The following ARMH3 variants were observed in gnomAD, a reference collection of about 807,000 sequenced individuals.
The protein encoded by ARMH3 is armadillo like helical domain containing 3, also known as armadillo-like helical domain-containing protein 3.
Under a neutral mutation model 99.1 loss-of-function variants are expected in ARMH3, and 60 were observed. The observed-to-expected ratio is 0.61, with a 90% CI of 0.49 to 0.75. The LOEUF (loss-of-function observed/expected upper bound fraction) is 0.75. ARMH3 is among the 30% of genes least tolerant of loss of function. The probability of loss-of-function intolerance (pLI) is 0.00; values close to 1 mark genes in which losing one functional copy is unlikely to be tolerated. For missense variants in ARMH3, 679 were observed against 843.1 expected (o/e 0.81, Z 2.41); for synonymous variants, 285 against 292.8 (o/e 0.97, Z 0.27).
intron 22 of ARMH3, among the ~76,000 whole-genome samples, chr10:101,944,080 TC>T (rs1405799091): frequency 6.9e-6 from 1 of 144,990 alleles, no homozygotes; most frequent in East Asian, 2.0e-4. Context: ...AAAAAAAAAA[TC>T]TATTAGAAAT....
At chr10:101,957,433 G>T (rs1845090666) in intron 21 of ARMH3, among the ~76,000 whole-genome samples, 1 of 152,150 alleles carries the variant, frequency 6.6e-6, no homozygotes, top group Non-Finnish European at 1.5e-5. Flanking sequence ...ACCCCTGCCA[G>T]ACAATATATT....
intron 18 of ARMH3, 39 bp downstream of exon 18, chr10:101,991,930 T>C (rs377571713): frequency 7.7e-6 from 12 of 1,549,442 alleles, no homozygotes; most frequent in Middle Eastern, 1.7e-4. Context: ...AGCCTATCGC[T>C]GTCACAGAAC....
chr10:101,977,081 T>C (rs1564812762), intron 19 of ARMH3, among the ~76,000 whole-genome samples: 1 of 152,200 alleles, frequency 6.6e-6, no homozygotes, highest in East Asian at 1.9e-4. Context: ...TAACCACCTT[T>C]CAAGTGCTCA....
intron 24 of ARMH3, among the ~76,000 whole-genome samples, chr10:101,882,243 G>T (rs1265428723): frequency 6.6e-6 from 1 of 152,180 alleles, no homozygotes; most frequent in Non-Finnish European, 1.5e-5. Context: ...TAAGGAATAA[G>T]GTGTTCAAAG....
chr10:101,863,230 T>C (rs1362988266), intron 24 of ARMH3, among the ~76,000 whole-genome samples: 1 of 151,934 alleles, frequency 6.6e-6, no homozygotes, highest in Non-Finnish European at 1.5e-5. Context: ...AGTAAAATGA[T>C]AGAAGAAAGT....
chr10:101,868,825 A>G (rs2067067118), intron 24 of ARMH3, among the ~76,000 whole-genome samples: 1 of 152,156 alleles, frequency 6.6e-6, no homozygotes, highest in Non-Finnish European at 1.5e-5. Flanking sequence ...TAATCCCAGC[A>G]CTTTGGGAGG....
At chr10:102,022,815 C>T (rs1452784256) in intron 8 of ARMH3, among the ~76,000 whole-genome samples, 9 of 151,038 alleles carry the variant, frequency 6.0e-5, no homozygotes, top group Admixed American at 1.3e-4. Context: ...CTCCTGACCT[C>T]GTGATCCACC....
intron 1 of ARMH3, among the ~76,000 whole-genome samples, chr10:102,047,948 T>C (rs920835857): frequency 6.6e-6 from 1 of 152,134 alleles, no homozygotes; most frequent in Non-Finnish European, 1.5e-5. Context: ...GGGATGCTGT[T>C]AAACATCATA....
At chr10:101,979,357 AAGTC>A (rs1273760205) in intron 19 of ARMH3, among the ~76,000 whole-genome samples, 7 of 152,366 alleles carry the variant, frequency 4.6e-5, no homozygotes, top group East Asian at 3.9e-4. Flanking sequence ...TAAATTAAAT[AAGTC>A]AGTAGTAAAA....
chr10:101,919,624 T>C (rs1196138765), intron 23 of ARMH3, among the ~76,000 whole-genome samples: 5 of 152,158 alleles, frequency 3.3e-5, no homozygotes, highest in Admixed American at 2.6e-4. Context: ...GTTTGTTCTT[T>C]ACTGACCTGC....
intron 22 of ARMH3, among the ~76,000 whole-genome samples, chr10:101,947,796 A>AAAATAAATAAAT (rs56657656): frequency 3.0e-4 from 44 of 145,272 alleles, no homozygotes; most frequent in South Asian, 1.1e-3. Flanking sequence ...GCGAAACTCA[A>AAAATAAATAAAT]AAATAAATAA....
rs373594694 is a variant in ARMH3, at chr10:101,861,655, G to A, written c.1861-11763C>T. 5.3e-5 allele frequency among the ~76,000 whole-genome samples: 8 copies of A among 151,306 alleles called. No homozygotes were observed. In the East Asian group the frequency reaches 5.8e-4, roughly 11 times the overall value. On this transcript the variant is annotated intron_variant, in intron 24 of 25. Transcript: ENST00000370033. ...TGAAGCAGAAGAATTGCTTAAAGCC[G>A]GGAGGCAGAGGTTGCAGTGAGCCAA...
chr10:101,882,699 C>A (rs961836507), intron 24 of ARMH3, among the ~76,000 whole-genome samples: 1 of 152,156 alleles, frequency 6.6e-6, no homozygotes, highest in African/African-American at 2.4e-5. Context: ...AGGGTTTCAA[C>A]ATGTTGGCCA....
chr10:101,928,171 A>C (rs1843581413), intron 23 of ARMH3, among the ~76,000 whole-genome samples: 1 of 152,232 alleles, frequency 6.6e-6, no homozygotes, highest in Admixed American at 6.5e-5. Context: ...AGGTCACCAG[A>C]TACATACAAG....
At chr10:102,053,421 G>C (rs1390897473) in intron 1 of ARMH3, among the ~76,000 whole-genome samples, 1 of 151,934 alleles carries the variant, frequency 6.6e-6, no homozygotes, top group Non-Finnish European at 1.5e-5. Context: ...CTTTTTCAGA[G>C]ATGGGGTCTC....
intron 24 of ARMH3, among the ~76,000 whole-genome samples, chr10:101,856,210 G>C (rs2066734205): frequency 6.6e-6 from 1 of 152,106 alleles, no homozygotes; most frequent in African/African-American, 2.4e-5. Context: ...TTCAATACTA[G>C]CAGTTGAACA....
chr10:102,008,351 T>C (rs2066551269), intron 13 of ARMH3, among the ~76,000 whole-genome samples: 1 of 152,196 alleles, frequency 6.6e-6, no homozygotes, highest in Non-Finnish European at 1.5e-5. Context: ...ATACATATTT[T>C]AAACAGTCTG....
At chr10:102,009,901 C>G (rs1051748207) in intron 12 of ARMH3, 76 bp downstream of exon 12, 2 of 1,348,490 alleles carry the variant, frequency 1.5e-6, no homozygotes, top group African/African-American at 1.5e-5. Flanking sequence ...CAAGAGGTAA[C>G]ACTGCACACT....
chr10:101,966,285 GTTTTTTTTTTTT>G (rs34196495), intron 20 of ARMH3, among the ~76,000 whole-genome samples: 37 of 80,624 alleles, frequency 4.6e-4, no homozygotes, highest in African/African-American at 1.8e-3. Flanking sequence ...TTTGGTTTGG[GTTTTTTTTTTTT>G]TTTTTTTTTT....
Sources: gnomAD v4.1 joint callset for allele counts (sites outside exome capture counted in the v4.1 genomes callset) on GRCh38, gnomAD v4.1.1 for gene constraint, MANE v1.5 for transcripts, NCBI Gene and HGNC (gene_info 2026-07-23, HGNC 2026-07-21) for gene names.